Variants in RPRD2 observed in about 807,000 individuals in gnomAD.
RPRD2 encodes the protein regulation of nuclear pre-mRNA domain-containing protein 2.
RPRD2 carries 12 observed loss-of-function variants against 104.4 expected under a neutral mutation model. The ratio of observed to expected loss-of-function variants is 0.11; its 90% CI spans 0.07 to 0.19. The LOEUF (loss-of-function observed/expected upper bound fraction) is 0.19, where lower values mean the gene tolerates loss of function less well. Among genes scored for constraint, RPRD2 ranks in the 10% least tolerant of loss-of-function variants. The pLI, the probability that RPRD2 is intolerant of heterozygous loss-of-function variation, is 1.00. For synonymous variants in RPRD2, 714 were observed against 684.9 expected, an observed-to-expected ratio of 1.04 and a Z score of -0.66; for missense variants, 1,543 against 1,790.1, an observed-to-expected ratio of 0.86 and a Z score of 2.49.
At chr1:150,431,497 T>TTTTTTTTTTTTTTTTTTTTTTTTA (rs1665583347) in intron 2 of RPRD2, among the ~76,000 whole-genome samples, 1 of 94,588 alleles carries the variant, frequency 1.1e-5, no homozygotes, top group South Asian at 3.2e-4. Context: ...TTTTTTTTTT[T>TTTTTTTTTTTTTTTTTTTTTTTTA]GAGACGGGGT....
In RPRD2 at chr1:150,475,658, T is replaced by C. The variant is rs1247488972; in HGVS notation, c.*2324T>C. On this transcript the variant is annotated 3_prime_UTR_variant, in exon 11 of 11. Transcript: ENST00000369068. ...AGGATTTGTATGAGACTGTCAGCTA[T>C]TAATTTTAAGGAAATCTTAAAATTT... 6.6e-6 allele frequency: 1 copy of C among 152,634 alleles called. No individual in the cohort carries two copies. The highest frequency in any genetic ancestry group is 2.4e-5 in the African/African-American group (1 of 41,454). The allele number at this position is 152,634 out of a possible 1,614,324, so 9.5% of individuals were successfully genotyped here. A position where few individuals can be genotyped will look rare whatever the true frequency, so the allele number is the denominator to read the frequency against.
rs925866436 is a variant in RPRD2, at chr1:150,472,758, A to ACCT, written c.3819_3821dup (p.Pro1276dup). 6.2e-7 allele frequency: 1 copy of ACCT among 1,603,736 alleles called. No homozygotes were observed. The highest frequency in any genetic ancestry group is 8.5e-7 in the Non-Finnish European group (1 of 1,175,320). On this transcript the variant is annotated inframe_insertion, in exon 11 of 11. Coordinates refer to ENST00000369068, the MANE Select transcript of RPRD2 (RefSeq NM_015203.5). ...ACAGTGGAATTCCTTTCCCTACCCC[A>ACCT]CCTCCTCCTCCCCCTCCTGGGGAAC...
chr1:150,449,318 T>G (rs1377830424), intron 7 of RPRD2, among the ~76,000 whole-genome samples: 4 of 152,170 alleles, frequency 2.6e-5, no homozygotes, highest in Admixed American at 2.6e-4. Flanking sequence ...TGGATCTTGT[T>G]TTAGTTTTAT....
At chr1:150,385,382 C>T (rs889704709) in intron 1 of RPRD2, among the ~76,000 whole-genome samples, 3 of 152,102 alleles carry the variant, frequency 2.0e-5, no homozygotes, top group Non-Finnish European at 1.5e-5. Flanking sequence ...GAGGCTGAGA[C>T]AGAATTACTT....
intron 1 of RPRD2, among the ~76,000 whole-genome samples, chr1:150,372,553 G>A (rs1470088253): frequency 6.6e-6 from 1 of 151,470 alleles, no homozygotes; most frequent in Non-Finnish European, 1.5e-5. Flanking sequence ...AGGGGAGACA[G>A]ACAGCAAACA....
chr1:150,385,376 C>T (rs1342791297), intron 1 of RPRD2, among the ~76,000 whole-genome samples: 1 of 152,086 alleles, frequency 6.6e-6, no homozygotes, highest in Admixed American at 6.6e-5. Context: ...ACTCGGGAGG[C>T]TGAGACAGAA....
chr1:150,425,497 G>A (rs1465698686), intron 2 of RPRD2, among the ~76,000 whole-genome samples: 1 of 151,866 alleles, frequency 6.6e-6, no homozygotes, highest in Non-Finnish European at 1.5e-5. Flanking sequence ...TACAAAATTA[G>A]CCAGGCGTGG....
At chr1:150,458,565 G>T (rs191553799) in intron 8 of RPRD2, among the ~76,000 whole-genome samples, 1 of 152,024 alleles carries the variant, frequency 6.6e-6, no homozygotes. Flanking sequence ...TTATAACACT[G>T]AAATGAAAAT....
chr1:150,467,467 G>A (rs782039913), intron 10 of RPRD2, among the ~76,000 whole-genome samples: 8 of 151,588 alleles, frequency 5.3e-5, no homozygotes, highest in Non-Finnish European at 7.4e-5. Flanking sequence ...TCTGCCTCTC[G>A]GGTTCAAGTG....
At chr1:150,383,133 A>G (rs186766779) in intron 1 of RPRD2, among the ~76,000 whole-genome samples, 67 of 151,682 alleles carry the variant, frequency 4.4e-4, no homozygotes, top group Admixed American at 1.8e-3. Flanking sequence ...TGCTAGGACT[A>G]TGGGTGCAGG....
intron 1 of RPRD2, among the ~76,000 whole-genome samples, chr1:150,410,803 A>G (rs1392625228): frequency 6.6e-6 from 1 of 152,200 alleles, no homozygotes. Context: ...AAACAAAGAA[A>G]TCGATTTTCT....
chr1:150,465,463 A>G (rs1668204340), intron 10 of RPRD2, among the ~76,000 whole-genome samples: 1 of 152,168 alleles, frequency 6.6e-6, no homozygotes, highest in Admixed American at 6.6e-5. Context: ...CTGAAGAATT[A>G]TAAAATGTGA....
intron 1 of RPRD2, among the ~76,000 whole-genome samples, chr1:150,391,389 A>G (rs1376347593): frequency 2.0e-5 from 3 of 152,148 alleles, no homozygotes; most frequent in Admixed American, 6.6e-5. Flanking sequence ...CCTGGGCTCA[A>G]GTGATCCTCC....
At chr1:150,433,531 T>G (rs1271955276) in intron 2 of RPRD2, among the ~76,000 whole-genome samples, 28 of 134,492 alleles carry the variant, frequency 2.1e-4, no homozygotes, top group Non-Finnish European at 1.5e-4. Flanking sequence ...TGCAAGCTCC[T>G]CCTTCCAGGT....
intron 2 of RPRD2, among the ~76,000 whole-genome samples, chr1:150,420,637 C>T (rs1474029043): frequency 6.6e-6 from 1 of 152,072 alleles, no homozygotes; most frequent in East Asian, 1.9e-4. Context: ...ACCAGCCTGG[C>T]CAACATGGTG....
chr1:150,471,447 C>T lies in RPRD2; in HGVS notation c.2499C>T (p.Tyr833=). 3 of 1,613,930 alleles carry T rather than the reference C, an allele frequency of 1.9e-6. No individual in the cohort carries two copies. The highest frequency in any genetic ancestry group is 2.5e-6 in the Non-Finnish European group (3 of 1,179,884). Residue 833 remains tyrosine, a synonymous_variant, in exon 11 of 11, where the codon TAC becomes TAT. Coordinates refer to ENST00000369068, the MANE Select transcript of RPRD2 (RefSeq NM_015203.5). The surrounding 1 kb of genome is among the most constrained non-coding windows in gnomAD (Gnocchi z 5.3). ...CTTCTTTCCAAGAAGATGAGGATTACCGAGATTTTGAGTATTCAGGGCCTC... is the reference window on the plus strand; with the variant it reads ...CTTCTTTCCAAGAAGATGAGGATTATCGAGATTTTGAGTATTCAGGGCCTC... ...PDTSFQEDED[Y]RDFEYSGPPP...
chr1:150,387,040 G>A (rs1367557804), intron 1 of RPRD2, among the ~76,000 whole-genome samples: 1 of 152,146 alleles, frequency 6.6e-6, no homozygotes, highest in South Asian at 2.1e-4. Flanking sequence ...TGAGAAAATA[G>A]ACTAGTGTCT....
intron 1 of RPRD2, among the ~76,000 whole-genome samples, chr1:150,382,579 G>A (rs2102137303): frequency 6.6e-6 from 1 of 152,246 alleles, no homozygotes; most frequent in East Asian, 1.9e-4. Context: ...TGTTGGTCTT[G>A]AACTCCTGAC....
At chr1:150,454,749 G>C (rs1314150157) in intron 7 of RPRD2, among the ~76,000 whole-genome samples, 1 of 152,130 alleles carries the variant, frequency 6.6e-6, no homozygotes, top group African/African-American at 2.4e-5. Flanking sequence ...TTGGAGGGCT[G>C]AGGTGGGAGG....
Sources: gnomAD v4.1 joint callset for allele counts (sites outside exome capture counted in the v4.1 genomes callset) on GRCh38, gnomAD v4.1.1 for gene constraint, Gnocchi (gnomAD v3.1) non-coding constraint, MANE v1.5 for transcripts, NCBI Gene and HGNC (gene_info 2026-07-23, HGNC 2026-07-21) for gene names.